CTNND2: variants seen among roughly 807,000 people sequenced by gnomAD.
The protein encoded by CTNND2 is catenin delta 2.
In CTNND2, 22 loss-of-function variants were observed where a neutral mutation model predicts 144.4. That is an observed-to-expected ratio of 0.15 (90% CI 0.11 to 0.22). The LOEUF (loss-of-function observed/expected upper bound fraction) is 0.22, where lower values mean the gene tolerates loss of function less well. Ranked by LOEUF, CTNND2 falls within the 10% of genes least tolerant of loss-of-function variation. The pLI, the probability that CTNND2 is intolerant of heterozygous loss-of-function variation, is 1.00. For synonymous variants in CTNND2, 751 were observed against 695.6 expected (o/e 1.08, Z -1.25); for missense variants, 1,353 against 1,618.8 (o/e 0.84, Z 2.82).
chr5:11,161,354 T>C (rs1758753451), intron 11 of CTNND2, among the ~76,000 whole-genome samples: 1 of 152,210 alleles, frequency 6.6e-6, no homozygotes, highest in Non-Finnish European at 1.5e-5. Flanking sequence ...GTATTGCCAT[T>C]AGTATCCTAA....
intron 3 of CTNND2, among the ~76,000 whole-genome samples, chr5:11,510,862 C>T (rs1354758784): frequency 1.3e-5 from 2 of 151,392 alleles, no homozygotes; most frequent in Non-Finnish European, 2.9e-5. Context: ...ACCCAAGAGG[C>T]GGAGGTTGCA....
chr5:11,627,765 T>C (rs1781230120), intron 2 of CTNND2, among the ~76,000 whole-genome samples: 1 of 150,954 alleles, frequency 6.6e-6, no homozygotes, highest in Non-Finnish European at 1.5e-5. Context: ...ATTTGTAGTA[T>C]TACATGCTCA....
intron 3 of CTNND2, among the ~76,000 whole-genome samples, chr5:11,494,065 G>T (rs1026380829): frequency 6.6e-6 from 1 of 152,044 alleles, no homozygotes; most frequent in Non-Finnish European, 1.5e-5. Flanking sequence ...GAAAATTATT[G>T]AAATTTAAAG....
intron 16 of CTNND2, among the ~76,000 whole-genome samples, chr5:11,051,412 T>G (rs1745810807): frequency 6.6e-6 from 1 of 152,242 alleles, no homozygotes; most frequent in South Asian, 2.1e-4. Context: ...TGAGATAAAC[T>G]GACAAGAACC....
rs1045586016 is a variant in CTNND2, at chr5:11,701,693, G to T, written c.174+30443C>A. ...TAAGAAAGAATGAGAAAGAAGTATG[G>T]AATACTCCTTAATATAAGCTCCTGT... On this transcript the variant is annotated intron_variant, in intron 2 of 21. Transcript: ENST00000304623. Among the ~76,000 whole-genome samples, 15 of 71,646 alleles carry T rather than the reference G, an allele frequency of 2.1e-4. No homozygotes were observed. The East Asian group carries it at 6.1e-3, about 29-fold the overall frequency. 47.0% of individuals were successfully genotyped at this position (71,646 alleles called of 152,430 possible).
intron 2 of CTNND2, among the ~76,000 whole-genome samples, chr5:11,583,740 A>C (rs1778614569): frequency 6.6e-6 from 1 of 152,208 alleles, no homozygotes; most frequent in Non-Finnish European, 1.5e-5. Context: ...GAAGAAATGT[A>C]AATTTCCTAT....
intron 3 of CTNND2, among the ~76,000 whole-genome samples, chr5:11,420,107 A>C (rs1762248639): frequency 6.6e-6 from 1 of 152,160 alleles, no homozygotes; most frequent in East Asian, 1.9e-4. Context: ...GGCGATCACA[A>C]GATCAGGAGT....
At chr5:11,460,624 T>C (rs907783215) in intron 3 of CTNND2, among the ~76,000 whole-genome samples, 36 of 152,282 alleles carry the variant, frequency 2.4e-4, no homozygotes, top group African/African-American at 8.7e-4. Context: ...CTAGTCTGGG[T>C]GATCTCCTTC....
intron 9 of CTNND2, among the ~76,000 whole-genome samples, chr5:11,267,866 T>C (rs1745613942): frequency 6.6e-6 from 1 of 152,206 alleles, no homozygotes; most frequent in South Asian, 2.1e-4. Context: ...AATTTCCTGA[T>C]GTTGAACGTG....
chr5:11,687,448 C>T (rs1033058114), intron 2 of CTNND2, among the ~76,000 whole-genome samples: 3 of 152,222 alleles, frequency 2.0e-5, no homozygotes, highest in Admixed American at 1.3e-4. Flanking sequence ...GTTCCAGCTG[C>T]AGTCCACCCA....
intron 3 of CTNND2, among the ~76,000 whole-genome samples, chr5:11,466,417 C>T (rs1381215641): frequency 6.6e-6 from 1 of 152,088 alleles, no homozygotes; most frequent in African/African-American, 2.4e-5. Context: ...TACTAAGTTC[C>T]TTCTGATCCA....
chr5:11,647,130 C>T (rs1468892405), intron 2 of CTNND2, among the ~76,000 whole-genome samples: 1 of 152,180 alleles, frequency 6.6e-6, no homozygotes, highest in Non-Finnish European at 1.5e-5. Context: ...ATTGAGCAAA[C>T]TCTACTGTTC....
chr5:11,151,647 C>T (rs578161400), intron 12 of CTNND2, among the ~76,000 whole-genome samples: 1 of 152,254 alleles, frequency 6.6e-6, no homozygotes, highest in East Asian at 1.9e-4. Context: ...AACCAAATTA[C>T]AGGATACATA....
intron 2 of CTNND2, among the ~76,000 whole-genome samples, chr5:11,714,633 G>A (rs1351739720): frequency 1.3e-5 from 2 of 152,156 alleles, no homozygotes; most frequent in Non-Finnish European, 2.9e-5. Context: ...GGGGCCTGGC[G>A]CAGTGGTTCA....
chr5:11,869,657 T>C (rs959487472), intron 1 of CTNND2, among the ~76,000 whole-genome samples: 7 of 152,328 alleles, frequency 4.6e-5, no homozygotes, highest in South Asian at 2.1e-4. Context: ...ATAATGACGG[T>C]TGCACAGCAT....
rs747052926 is a variant in CTNND2 at position 11,110,961 on chromosome 5, G to A, written c.2360C>T (p.Thr787Met). The A allele has an allele frequency of 2.5e-5, 41 of 1,613,950 alleles. No homozygotes were observed. Among genetic ancestry groups the A allele is most frequent in the East Asian group, 1.8e-4 (8 of 44,890 alleles). Residue 787 changes from threonine to methionine, a missense_variant, in exon 14 of 22, where the codon ACG becomes ATG. By Grantham distance (81) the Thr-to-Met change is moderately conservative. Around this residue, in one of 4 missense-constraint regions of CTNND2, gnomAD observed 459 missense variants for 674.3 expected, o/e 0.68. Coordinates refer to ENST00000304623, the MANE Select transcript of CTNND2 (RefSeq NM_001332.4). Reference sequence around the variant, plus strand: ...ACAGAGTAGCCCGTCCAGCTCGTCCGTGCCCATGTGCTGTCCCTGAGACGT... The same window carrying A: ...ACAGAGTAGCCCGTCCAGCTCGTCCATGCCCATGTGCTGTCCCTGAGACGT... ...AETSQGQHMG[T>M]DELDGLLCGE... is the part of the protein sequence containing the mutation.
intron 3 of CTNND2, among the ~76,000 whole-genome samples, chr5:11,529,542 A>G (rs959410490): frequency 2.0e-5 from 3 of 152,268 alleles, no homozygotes; most frequent in African/African-American, 7.2e-5. Context: ...TTCAATAAAA[A>G]GCAATATCCT....
intron 16 of CTNND2, among the ~76,000 whole-genome samples, chr5:11,070,965 G>A (rs1580198775): frequency 6.6e-6 from 1 of 151,784 alleles, no homozygotes; most frequent in African/African-American, 2.4e-5. Flanking sequence ...AGTGCGTAGG[G>A]GAGGGGAGGG....
chr5:11,766,005 A>T (rs1374398855), intron 1 of CTNND2, among the ~76,000 whole-genome samples: 1 of 152,210 alleles, frequency 6.6e-6, no homozygotes, highest in Non-Finnish European at 1.5e-5. Flanking sequence ...TGAAACTAGC[A>T]CTGTAATGTT....
Sources: allele counts gnomAD v4.1 joint callset (sites outside exome capture counted in the v4.1 genomes callset), GRCh38; gene constraint gnomAD v4.1.1; regional missense constraint gnomAD v4.1.1; transcripts MANE v1.5; gene names NCBI Gene and HGNC (gene_info 2026-07-23, HGNC 2026-07-21).